Variants in LAMB1 observed in about 807,000 individuals in gnomAD.
LAMB1 encodes laminin subunit beta-1.
LAMB1 carries 121 observed loss-of-function variants against 222.3 expected under a neutral mutation model. The ratio of observed to expected loss-of-function variants is 0.54; its 90% CI spans 0.47 to 0.63. The LOEUF is 0.63. LAMB1 is among the 30% of genes least tolerant of loss of function. The pLI, the probability that LAMB1 is intolerant of heterozygous loss-of-function variation, is 0.00. For missense variants in LAMB1, 2,172 were observed against 2,240.8 expected (o/e 0.97, Z 0.62); for synonymous variants, 794 against 807.2 (o/e 0.98, Z 0.28).
Position 107,952,048 on chromosome 7 carries a change from G to C in LAMB1, c.3255C>G (p.Asn1085Lys), listed in dbSNP as rs2033262866. ...LASGTGCDPC[N>K]CNAAHSFGPS... is the part of the protein sequence containing the mutation. ...GCCCGAAGGAATGAGCAGCATTGCA[G>C]TTGCATGGGTCACAGCCAGTGCCAC... The change falls in exon 23 of 34, where the codon AAC becomes AAG. Residue 1085 changes from asparagine to lysine, a missense_variant. Transcript: ENST00000222399. The C allele has an allele frequency of 3.7e-6, 6 of 1,613,944 alleles. No individual in the cohort carries two copies. The highest frequency in any genetic ancestry group is 5.1e-6 in the Non-Finnish European group (6 of 1,179,928).
At chr7:107,951,765 T>C (rs971044717) in intron 23 of LAMB1, among the ~76,000 whole-genome samples, 1 of 152,194 alleles carries the variant, frequency 6.6e-6, no homozygotes, top group African/African-American at 2.4e-5. Context: ...AGCACACCCT[T>C]GTCTATTGTT....
intron 13 of LAMB1, among the ~76,000 whole-genome samples, chr7:107,972,339 C>T (rs78968481): frequency 0.084 from 12,747 of 152,220 alleles, 596 homozygotes; most frequent in Admixed American, 0.15. Flanking sequence ...CACAGGGAAA[C>T]ATCTGTCTAT....
In LAMB1 at chr7:107,980,767, G is replaced by T; in HGVS notation, c.721C>A (p.His241Asn). The change falls in exon 8 of 34, where the codon CAT (histidine) becomes AAT (asparagine). Residue 241 changes from histidine (H) to asparagine (N), a missense_variant. Physicochemically the swap from His to Asn is moderately conservative, Grantham distance 68. Transcript: ENST00000222399. Reference sequence around the variant, plus strand: ...TCCAGAAGGTTATCTCCCAAAGTATGCAGTTTCACAAACTTGATTCTCAAG... The same window carrying T: ...TCCAGAAGGTTATCTCCCAAAGTATTCAGTTTCACAAACTTGATTCTCAAG... The part of the protein sequence containing the change: ...TNLRIKFVKL[H>N]TLGDNLLDSR... 6.2e-7 allele frequency: 1 copy of T among 1,611,968 alleles called. No homozygotes were observed. Among genetic ancestry groups the T allele is most frequent in the East Asian group, 2.2e-5 (1 of 44,856 alleles).
chr7:107,961,832 C>T (rs2033511563), intron 15 of LAMB1, among the ~76,000 whole-genome samples, 156 bp from the exon 16 acceptor site: 1 of 152,208 alleles, frequency 6.6e-6, no homozygotes, highest in South Asian at 2.1e-4. Flanking sequence ...TCCCCTGGTT[C>T]CAGCCCAAAT....
chr7:107,927,028 A>T (rs7785155), intron 31 of LAMB1, among the ~76,000 whole-genome samples: 3 of 152,144 alleles, frequency 2.0e-5, no homozygotes, highest in African/African-American at 4.8e-5. Context: ...TAAGCAGTTG[A>T]GCCCATGACA....
chr7:107,952,339 AAAG>A (rs1373606970), intron 22 of LAMB1, 116 bp from the exon 23 acceptor site: 7 of 724,290 alleles, frequency 9.7e-6, no homozygotes, highest in East Asian at 8.2e-5. Flanking sequence ...CTTGAAATGC[AAAG>A]AAGGAAAGAA....
intron 3 of LAMB1, among the ~76,000 whole-genome samples, chr7:108,000,613 C>A (rs575049157): frequency 1.3e-5 from 2 of 152,324 alleles, no homozygotes; most frequent in African/African-American, 4.8e-5. Context: ...GACTGATTAT[C>A]GCTTACTGCA....
intron 5 of LAMB1, among the ~76,000 whole-genome samples, chr7:107,993,782 G>A (rs2034230688): frequency 1.3e-5 from 2 of 152,218 alleles, no homozygotes; most frequent in South Asian, 4.1e-4. Flanking sequence ...GTGACAAGGA[G>A]TAGTTGACAA....
chr7:107,973,044 A>G lies in LAMB1; in HGVS notation c.1510T>C (p.Leu504=), dbSNP rs2033781275. 1 of 1,613,998 alleles carries G rather than the reference A, an allele frequency of 6.2e-7. No homozygotes were observed. Among genetic ancestry groups the G allele is most frequent in the East Asian group, 2.2e-5 (1 of 44,890 alleles). Residue 504 remains leucine, a synonymous_variant, in exon 13 of 34, where the codon TTG becomes CTG. Coordinates refer to ENST00000222399, the MANE Select transcript of LAMB1 (RefSeq NM_002291.3). ...LPEHWGLSND[L]DGCRPCDCDL... is the part of the protein sequence containing the mutation. ...CAGTCACATGGTCGACATCCATCCA[A>G]ATCATTGCTTAAGCCCCAGTGCTCT...
intron 29 of LAMB1, among the ~76,000 whole-genome samples, chr7:107,930,284 C>A (rs2032673646): frequency 1.3e-5 from 2 of 152,052 alleles, no homozygotes; most frequent in African/African-American, 4.8e-5. Context: ...TACGTCAGAT[C>A]CTCATTTACT....
chr7:107,939,445 T>G (rs2032928908), intron 25 of LAMB1, among the ~76,000 whole-genome samples: 1 of 152,120 alleles, frequency 6.6e-6, no homozygotes, highest in Non-Finnish European at 1.5e-5. Flanking sequence ...CAGAAAAAAC[T>G]TGAAGTAAGC....
At chr7:107,972,600 GAAAA>G (rs988463227) in intron 13 of LAMB1, among the ~76,000 whole-genome samples, 5 of 147,306 alleles carry the variant, frequency 3.4e-5, no homozygotes, top group Non-Finnish European at 7.5e-5. Flanking sequence ...AAAAAAAAAA[GAAAA>G]AAAGAAAATG....
chr7:107,950,923 GGT>G (rs57060477), intron 24 of LAMB1, among the ~76,000 whole-genome samples: 40,870 of 147,548 alleles, frequency 0.28, 5,604 homozygotes, highest in Admixed American at 0.3. Flanking sequence ...GTGTATTTGT[GGT>G]GTGTGTGTGT....
At chr7:107,964,485 A>G (rs1325822272) in intron 14 of LAMB1, 67 bp downstream of exon 14, 8 of 1,585,532 alleles carry the variant, frequency 5.0e-6, no homozygotes, top group Admixed American at 1.7e-5. Flanking sequence ...GGTCTTTACA[A>G]AGCATGTATG....
intron 18 of LAMB1, 94 bp downstream of exon 18, chr7:107,960,351 C>CACA: frequency 1.2e-6 from 1 of 852,010 alleles, no homozygotes. Flanking sequence ...CTGCCTAACA[C>CACA]AGGGCTAGGG....
intron 27 of LAMB1, among the ~76,000 whole-genome samples, chr7:107,934,821 C>T (rs2032799492): frequency 1.3e-5 from 2 of 149,692 alleles, no homozygotes; most frequent in South Asian, 2.1e-4. Context: ...ATCTCAGCTA[C>T]TCAGGAGGGT....
At chr7:107,985,416 G>A (rs1251937323) in intron 7 of LAMB1, among the ~76,000 whole-genome samples, 2 of 152,038 alleles carry the variant, frequency 1.3e-5, no homozygotes, top group African/African-American at 4.8e-5. Flanking sequence ...CTGAGGTCAG[G>A]AGTTCGAGAC....
rs766950336 is a variant in LAMB1 at position 107,935,496 on chromosome 7, T to C, written c.4107A>G (p.Glu1369=). 27 of 1,613,860 alleles carry C rather than the reference T, an allele frequency of 1.7e-5. No homozygotes were observed. The highest frequency in any genetic ancestry group is 2.3e-5 in the Non-Finnish European group (27 of 1,179,996). ...VMMERESQFK[E]KQEEQARLLD... ...GGAGGCGAGCCTGCTCCTCTTGTTT[T>C]TCCTTGAACTGGGATTCTCGCTCCA... Residue 1369 remains glutamate, a synonymous_variant, in exon 27 of 34, where the codon GAA becomes GAG. Coordinates refer to ENST00000222399, the MANE Select transcript of LAMB1 (RefSeq NM_002291.3).
Position 107,975,009 on chromosome 7 carries a change from C to G in LAMB1, c.1459G>C (p.Gly487Arg). The G allele has an allele frequency of 6.2e-7, 1 of 1,605,470 alleles. No homozygotes were observed. Among genetic ancestry groups the G allele is most frequent in the South Asian group, 1.1e-5 (1 of 90,882 alleles). ...GHCYCKRLVT[G>R]QHCDQCLPEH... ...ACCAGGCACTGGTCACAATGCTGTC[C>G]TGTCACCAGACGCTTGCAGTAGCAG... Residue 487 changes from glycine to arginine, a missense_variant, in exon 12 of 34, where the codon GGA becomes CGA. By Grantham distance (125) the Gly-to-Arg change is moderately radical. Coordinates refer to ENST00000222399, the MANE Select transcript of LAMB1 (RefSeq NM_002291.3).
Sources: gnomAD v4.1 joint callset for allele counts (sites outside exome capture counted in the v4.1 genomes callset) on GRCh38, gnomAD v4.1.1 for gene constraint, MANE v1.5 for transcripts, NCBI Gene and HGNC (gene_info 2026-07-23, HGNC 2026-07-21) for gene names.